BRAF: variants seen among roughly 807,000 people sequenced by gnomAD.
The protein encoded by BRAF is serine/threonine-protein kinase B-raf.
BRAF carries 16 observed loss-of-function variants against 104.6 expected under a neutral mutation model. The observed-to-expected ratio is 0.15, with a 90% CI of 0.10 to 0.23. BRAF has a LOEUF of 0.23. BRAF is among the 10% of genes least tolerant of loss of function. BRAF has a pLI of 1.00. For synonymous variants in BRAF, 310 were observed against 341.6 expected (o/e 0.91, Z 1.02); for missense variants, 541 against 937.3 (o/e 0.58, Z 5.52).
chr7:140,892,258 A>G (rs1814320810), intron 1 of BRAF, among the ~76,000 whole-genome samples: 1 of 152,046 alleles, frequency 6.6e-6, no homozygotes, highest in Non-Finnish European at 1.5e-5. Context: ...TCTGTGTCAA[A>G]AAAAAAAAAT....
intron 1 of BRAF, among the ~76,000 whole-genome samples, chr7:140,913,537 C>T (rs1586637941): frequency 8.7e-6 from 1 of 115,578 alleles, no homozygotes; most frequent in East Asian, 3.1e-4. Flanking sequence ...GGCTGGAGTG[C>T]AGTGGCGCGA....
At chr7:140,864,949 T>C (rs1420274868) in intron 1 of BRAF, among the ~76,000 whole-genome samples, 1 of 152,192 alleles carries the variant, frequency 6.6e-6, no homozygotes, top group Non-Finnish European at 1.5e-5. Context: ...AGAGGACCAA[T>C]GCAGACAAGT....
At chr7:140,920,057 G>A (rs1427179577) in intron 1 of BRAF, among the ~76,000 whole-genome samples, 1 of 152,056 alleles carries the variant, frequency 6.6e-6, no homozygotes, top group Non-Finnish European at 1.5e-5. Context: ...TTAAAATAGA[G>A]AAACAGAATG....
chr7:140,781,203 T>C, intron 12 of BRAF: 1 of 263,066 alleles, frequency 3.8e-6, no homozygotes, highest in Non-Finnish European at 7.4e-6. Context: ...AGTGCTGGGA[T>C]TACAGGCATA....
chr7:140,844,149 C>T (rs1057476576), intron 2 of BRAF, among the ~76,000 whole-genome samples: 14 of 152,110 alleles, frequency 9.2e-5, no homozygotes, highest in African/African-American at 3.4e-4. Flanking sequence ...AACCCCTTCC[C>T]CTCCCTTGTC....
chr7:140,834,630 C>A lies in BRAF; in HGVS notation c.483G>T (p.Leu161=). 2 of 1,614,116 alleles carry A rather than the reference C, an allele frequency of 1.2e-6. No homozygotes were observed. The highest frequency in any genetic ancestry group is 1.7e-6 in the Non-Finnish European group (2 of 1,180,008). Residue 161 remains leucine, a synonymous_variant, in exon 3 of 20, where the codon CTG becomes CTT. Transcript: ENST00000644969. ...SPQKPIVRVF[L]PNKQRTVVPA... is the part of the protein sequence containing the mutation. Reference sequence around the variant, plus strand: ...TCACCACTGTCCTCTGTTTGTTGGGCAGGAAGACTCTAACGATAGGTTTTT... The same window carrying A: ...TCACCACTGTCCTCTGTTTGTTGGGAAGGAAGACTCTAACGATAGGTTTTT...
intron 19 of BRAF, among the ~76,000 whole-genome samples, chr7:140,729,062 C>CA (rs764302395): frequency 0.063 from 4,132 of 65,504 alleles, 114 homozygotes; most frequent in African/African-American, 0.11. Flanking sequence ...GCTGTCTCTC[C>CA]AAAAAAAAAA....
chr7:140,734,679 G>C lies in BRAF; in HGVS notation c.2339C>G (p.Thr780Arg), dbSNP rs2130868409. The change falls in exon 19 of 20, where the codon ACA (threonine) becomes AGA (arginine). Residue 780 changes from threonine (T) to arginine (R), a missense_variant. Thr to Arg is a moderately conservative substitution (Grantham distance 71). Transcript: ENST00000644969. ...ACAAGCATATAGACTAAAATCCTCT[G>C]TTTGGAAACCAGCCCGATTCAAGGA... ...EPSLNRAGFQTEDFSLYACAS... is the reference protein window; with the variant it reads ...EPSLNRAGFQREDFSLYACAS... The C allele has an allele frequency of 6.2e-7, 1 of 1,611,520 alleles. No homozygotes were observed. The highest frequency in any genetic ancestry group is 1.7e-5 in the Admixed American group (1 of 59,500).
intron 2 of BRAF, among the ~76,000 whole-genome samples, chr7:140,846,963 C>G (rs867269508): frequency 9.9e-5 from 15 of 151,976 alleles, no homozygotes; most frequent in Middle Eastern, 3.4e-3. Flanking sequence ...TGAGACAAGC[C>G]TGGCCAACAT....
rs971909182 is a variant in BRAF, at chr7:140,914,541, A to G, written c.138+10025T>C. Among the ~76,000 whole-genome samples the G allele has an allele frequency of 1.2e-4, 19 of 152,186 alleles. 1 individual carries two copies. Among genetic ancestry groups the G allele is most frequent in the South Asian group, 1.2e-3 (6 of 4,828 alleles). On this transcript the variant is annotated intron_variant, in intron 1 of 19. Transcript: ENST00000644969. ...TTTGATGTTCTCTGACACTATTCCC[A>G]TGGAAGTATATATTAATGTGTGTAA...
At chr7:140,829,904 T>C (rs1269398706) in intron 3 of BRAF, among the ~76,000 whole-genome samples, 4 of 152,222 alleles carry the variant, frequency 2.6e-5, no homozygotes, top group Non-Finnish European at 5.9e-5. Flanking sequence ...TTTGTTTGCT[T>C]CTTTATTAAA....
chr7:140,748,248 A>AAATT (rs1469255354), intron 17 of BRAF, among the ~76,000 whole-genome samples: 2 of 152,242 alleles, frequency 1.3e-5, no homozygotes, highest in African/African-American at 4.8e-5. Context: ...CAAATCACTT[A>AAATT]AATGAAGCAG....
chr7:140,748,388 T>C (rs1797522802), intron 17 of BRAF, among the ~76,000 whole-genome samples: 3 of 152,144 alleles, frequency 2.0e-5, no homozygotes, highest in Admixed American at 2.0e-4. Flanking sequence ...TAGAATCACC[T>C]GGGAAACAGA....
intron 1 of BRAF, among the ~76,000 whole-genome samples, chr7:140,861,467 T>C (rs1035135023): frequency 6.6e-6 from 1 of 152,216 alleles, no homozygotes; most frequent in African/African-American, 2.4e-5. Flanking sequence ...ATATGATCTC[T>C]ACATGTCTGC....
rs575936282 is a variant in BRAF at position 140,760,230 on chromosome 7, T to C, written c.1815-5997A>G. Among the ~76,000 whole-genome samples, 29 of 152,142 alleles carry C rather than the reference T, an allele frequency of 1.9e-4. 1 individual carries two copies. The South Asian group carries it at 5.2e-3, about 27-fold the overall frequency. Reference sequence around the variant, plus strand: ...GAGTTCCAGACCAGCCTGGCCAACATAGTGAAACCCTGTCTCTACTAAACA... The same window carrying C: ...GAGTTCCAGACCAGCCTGGCCAACACAGTGAAACCCTGTCTCTACTAAACA... On this transcript the variant is annotated intron_variant, in intron 14 of 19. Coordinates refer to ENST00000644969, the MANE Select transcript of BRAF (RefSeq NM_001374258.1).
At chr7:140,800,213 T>C (rs1802940991) in intron 7 of BRAF, 149 bp downstream of exon 7, 1 of 1,223,002 alleles carries the variant, frequency 8.2e-7, no homozygotes, top group South Asian at 1.3e-5. Context: ...ATCAAATGCA[T>C]GTAAATATCT....
intron 12 of BRAF, chr7:140,780,713 A>C (rs1800786072): frequency 6.6e-6 from 1 of 152,204 alleles, no homozygotes; most frequent in Non-Finnish European, 1.5e-5. Flanking sequence ...TGATGGTATA[A>C]ATTTATCCAA....
At chr7:140,750,528 A>C (rs1797701859) in intron 16 of BRAF, among the ~76,000 whole-genome samples, 1 of 152,228 alleles carries the variant, frequency 6.6e-6, no homozygotes, top group Non-Finnish European at 1.5e-5. Context: ...CTAGTGTCCA[A>C]CCAAAGTTGA....
At chr7:140,860,893 A>G (rs1265536856) in intron 1 of BRAF, among the ~76,000 whole-genome samples, 2 of 152,234 alleles carry the variant, frequency 1.3e-5, no homozygotes, top group Non-Finnish European at 2.9e-5. Context: ...CAATGTTTAT[A>G]ATAGCAAAAA....
Sources: allele counts gnomAD v4.1 joint callset (sites outside exome capture counted in the v4.1 genomes callset), GRCh38; gene constraint gnomAD v4.1.1; transcripts MANE v1.5; gene names NCBI Gene and HGNC (gene_info 2026-07-23, HGNC 2026-07-21).